The following FGF1 variants were observed in gnomAD, a reference collection of about 807,000 sequenced individuals.
FGF1 encodes beta-endothelial cell growth factor.
Under a neutral mutation model 13.4 loss-of-function variants are expected in FGF1, and 9 were observed. That is an observed-to-expected ratio of 0.67 (90% CI 0.40 to 1.17). The LOEUF (loss-of-function observed/expected upper bound fraction) is 1.17. Ranked by LOEUF, FGF1 falls within the 50% of genes most tolerant of loss-of-function variation. The pLI, the probability that FGF1 is intolerant of heterozygous loss-of-function variation, is 0.01. For synonymous variants in FGF1, 93 were observed against 79.0 expected (o/e 1.18, Z -0.94); for missense variants, 156 against 192.7 (o/e 0.81, Z 1.13).
chr5:142,618,422 C>A (rs576222166), intron 1 of FGF1, among the ~76,000 whole-genome samples: 1 of 152,264 alleles, frequency 6.6e-6, no homozygotes, highest in South Asian at 2.1e-4. Flanking sequence ...GCCTCTCACA[C>A]AGTTGTCTAA....
chr5:142,697,145 A>G (rs888617360), intron 2 of FGF1, among the ~76,000 whole-genome samples: 4 of 152,196 alleles, frequency 2.6e-5, no homozygotes, highest in African/African-American at 7.2e-5. Flanking sequence ...AATCAGGAAG[A>G]GATGGGGAAG....
chr5:142,685,877 A>ACACACT (rs1363039120), intron 1 of FGF1, 80 bp downstream of exon 1: 2 of 127,620 alleles, frequency 1.6e-5, no homozygotes, highest in Non-Finnish European at 3.4e-5. Context: ...CACACAAAAC[A>ACACACT]CACACACACA....
chr5:142,696,154 C>T lies in FGF1; in HGVS notation c.-35+1468G>A, dbSNP rs150634132. Among the ~76,000 whole-genome samples, 892 of 152,300 alleles carry T rather than the reference C, an allele frequency of 5.9e-3. 30 individuals carry two copies. Among genetic ancestry groups the T allele is most frequent in the Admixed American group, 0.055 (841 of 15,306 alleles). Reference sequence around the variant, plus strand: ...TCAAGGATCTCTAGGAATAACATGCCATGGAGTCTTTTAGTCACCTTTTCC... The same window carrying T: ...TCAAGGATCTCTAGGAATAACATGCTATGGAGTCTTTTAGTCACCTTTTCC... On this transcript the variant is annotated intron_variant, in intron 2 of 4. Transcript: ENST00000407758.
At chr5:142,690,251 ACCCGGCGAACCCGGGAG>A (rs778943041), upstream of FGF1, among the ~76,000 whole-genome samples, 454 of 151,378 alleles carry the variant, frequency 3.0e-3, no homozygotes, top group Non-Finnish European at 5.4e-3. Context: ...AACCCGGTGA[ACCCGGCGAACCCGGGAG>A]GCGGAGCTTG....
At position 142,592,572 on chromosome 5, in the gene FGF1, A is replaced by G. The variant is rs1754467616; in HGVS notation, c.*2718T>C. ...ATCCATATGAGAGTCACGTGACAGG[A>G]GCTGGCTATGAGACTTACTTAAGAC... On this transcript the variant is annotated 3_prime_UTR_variant, in exon 4 of 4. Transcript: ENST00000337706. 2 of 396,918 alleles carry G rather than the reference A, an allele frequency of 5.0e-6. No individual in the cohort carries two copies. Among genetic ancestry groups the G allele is most frequent in the Admixed American group, 8.8e-5 (2 of 22,690 alleles). The allele number at this position is 396,918 out of a possible 1,614,324, so 24.6% of individuals were successfully genotyped here.
At chr5:142,598,750 T>G (rs1755820763) in intron 3 of FGF1, among the ~76,000 whole-genome samples, 1 of 152,192 alleles carries the variant, frequency 6.6e-6, no homozygotes, top group Admixed American at 6.5e-5. Flanking sequence ...GCAAACATTC[T>G]TAGGCGTAAT....
upstream of FGF1, among the ~76,000 whole-genome samples, chr5:142,690,125 T>C (rs979462599): frequency 1.8e-3 from 267 of 149,286 alleles, 1 homozygote; most frequent in African/African-American, 6.3e-3. Flanking sequence ...ATCGAGACCA[T>C]CCTGGCTAAC....
chr5:142,607,778 T>TGC (rs1758014628), intron 2 of FGF1, among the ~76,000 whole-genome samples: 1 of 152,168 alleles, frequency 6.6e-6, no homozygotes, highest in Non-Finnish European at 1.5e-5. Flanking sequence ...CCTTTGTGGG[T>TGC]CATGGTCTTC....
chr5:142,639,774 A>G (rs375682252), intron 1 of FGF1, among the ~76,000 whole-genome samples: 2 of 152,058 alleles, frequency 1.3e-5, no homozygotes, highest in Admixed American at 1.3e-4. Flanking sequence ...TATGTTAACC[A>G]GCTTGATCAT....
intron 1 of FGF1, among the ~76,000 whole-genome samples, chr5:142,683,593 G>T (rs535940849): frequency 6.6e-6 from 1 of 152,086 alleles, no homozygotes; most frequent in Admixed American, 6.5e-5. Context: ...TTGGGAGGCC[G>T]GTTGGATCAC....
chr5:142,635,064 G>T (rs17223437), intron 1 of FGF1, among the ~76,000 whole-genome samples: 1 of 152,130 alleles, frequency 6.6e-6, no homozygotes, highest in Non-Finnish European at 1.5e-5. Flanking sequence ...CGGAAAGGCA[G>T]GGGCTGAATG....
chr5:142,628,993 G>T lies in FGF1; in HGVS notation c.-34-14832C>A, dbSNP rs188233556. 2.9e-4 allele frequency among the ~76,000 whole-genome samples: 44 copies of T among 152,074 alleles called. 1 individual carries two copies. Among genetic ancestry groups the T allele is most frequent in the Admixed American group, 2.2e-3 (33 of 15,270 alleles). Reference sequence around the variant, plus strand: ...TCTAGATGTTTAGATAGGCCCCTGGGGTGGGGAAGACAGAAGGCAGAACTT... The same window carrying T: ...TCTAGATGTTTAGATAGGCCCCTGGTGTGGGGAAGACAGAAGGCAGAACTT... On this transcript the variant is annotated intron_variant, in intron 1 of 3. Coordinates refer to ENST00000337706, the MANE Select transcript of FGF1 (RefSeq NM_000800.5).
At chr5:142,654,445 C>A (rs1165480356) in intron 1 of FGF1, among the ~76,000 whole-genome samples, 1 of 152,206 alleles carries the variant, frequency 6.6e-6, no homozygotes, top group Non-Finnish European at 1.5e-5. Flanking sequence ...GTTCATTGAA[C>A]TTTGGATAGT....
intron 2 of FGF1, among the ~76,000 whole-genome samples, chr5:142,609,904 C>G (rs1371899331): frequency 6.6e-6 from 1 of 151,252 alleles, no homozygotes; most frequent in Non-Finnish European, 1.5e-5. Context: ...AACTGGTGAA[C>G]AGCAGTGTTG....
Position 142,608,583 on chromosome 5 carries a change from T to TAC in FGF1, c.169+5374_169+5375dup, listed in dbSNP as rs1224660347. On this transcript the variant is annotated intron_variant, in intron 2 of 3. Transcript: ENST00000337706. The stretch of plus-strand genomic sequence containing the variant: ...ATATATATATATATATATATATATA[T>TAC]ACACACACACACACATATATGTAAA... Among the ~76,000 whole-genome samples, 335 of 59,722 alleles carry TAC rather than the reference T, an allele frequency of 5.6e-3. 3 individuals are homozygous for TAC. The highest frequency in any genetic ancestry group is 0.011 in the South Asian group (17 of 1,580). 39.2% of individuals were successfully genotyped at this position (59,722 alleles called of 152,430 possible).
chr5:142,686,565 G>C (rs2152062897), upstream of FGF1: 1 of 152,344 alleles, frequency 6.6e-6, no homozygotes, highest in East Asian at 1.9e-4. Flanking sequence ...TCGTGGCTCG[G>C]AGACTCTCCT....
intron 1 of FGF1, chr5:142,680,777 T>C (rs976272703): frequency 4.6e-5 from 7 of 152,064 alleles, no homozygotes; most frequent in Non-Finnish European, 8.8e-5. Flanking sequence ...CACACAACTC[T>C]GTGTTCCCTC....
In FGF1 at chr5:142,592,231, C is replaced by T. The variant is rs1225919071; in HGVS notation, c.*3059G>A. The T allele has an allele frequency of 2.5e-6, 1 of 397,468 alleles. No homozygotes were observed. The highest frequency in any genetic ancestry group is 4.4e-6 in the Non-Finnish European group (1 of 225,714). 24.6% of individuals were successfully genotyped at this position (397,468 alleles called of 1,614,324 possible). Reference sequence around the variant, plus strand: ...TTTGTAAGGTGCAGACTATGATACACAAAAAGACAGTGATGTGAAATAACA... The same window carrying T: ...TTTGTAAGGTGCAGACTATGATACATAAAAAGACAGTGATGTGAAATAACA... On this transcript the variant is annotated 3_prime_UTR_variant, in exon 4 of 4. Transcript: ENST00000337706.
At chr5:142,653,715 G>A (rs758298011) in intron 1 of FGF1, among the ~76,000 whole-genome samples, 11 of 152,128 alleles carry the variant, frequency 7.2e-5, no homozygotes, top group Admixed American at 3.3e-4. Flanking sequence ...CTACGACACC[G>A]GTTGGGGCTT....
Sources: gnomAD v4.1 joint callset for allele counts (sites outside exome capture counted in the v4.1 genomes callset) on GRCh38, gnomAD v4.1.1 for gene constraint, MANE v1.5 for transcripts, NCBI Gene and HGNC (gene_info 2026-07-23, HGNC 2026-07-21) for gene names.